The following HTT variants were observed in gnomAD, a reference collection of about 807,000 sequenced individuals.
The protein encoded by HTT is huntington disease protein.
Under a neutral mutation model 362.3 loss-of-function variants are expected in HTT, and 104 were observed. That is an observed-to-expected ratio of 0.29 (90% CI 0.24 to 0.34). The LOEUF (loss-of-function observed/expected upper bound fraction) is 0.34, where lower values mean the gene tolerates loss of function less well. HTT is among the 10% of genes least tolerant of loss of function. The pLI is 1.00. For missense variants in HTT, 3,301 were observed against 3,928.6 expected (o/e 0.84, Z 4.27); for synonymous variants, 1,577 against 1,548.7 (o/e 1.02, Z -0.43).
chr4:3,231,538 GC>G (rs766016125), intron 60 of HTT, among the ~76,000 whole-genome samples: 3 of 152,140 alleles, frequency 2.0e-5, no homozygotes, highest in Non-Finnish European at 4.4e-5. Flanking sequence ...CTCCCTCTCT[GC>G]GAGTCTTGAC....
At chr4:3,147,741 C>A (rs1169984875) in intron 25 of HTT, among the ~76,000 whole-genome samples, 3 of 152,296 alleles carry the variant, frequency 2.0e-5, no homozygotes, top group African/African-American at 4.8e-5. Context: ...GGTTCACCAA[C>A]TGAACTTCGG....
intron 28 of HTT, among the ~76,000 whole-genome samples, chr4:3,158,928 A>G (rs919507309): frequency 9.9e-5 from 15 of 152,140 alleles, no homozygotes; most frequent in African/African-American, 2.7e-4. Context: ...TCCTTCCTGA[A>G]TACCCTGAAC....
intron 1 of HTT, among the ~76,000 whole-genome samples, chr4:3,078,719 C>G (rs913353450): frequency 6.6e-6 from 1 of 151,598 alleles, no homozygotes; most frequent in Non-Finnish European, 1.5e-5. Context: ...TAGACATGCA[C>G]TGCCATGCCT....
rs185779757 is a variant in HTT at position 3,081,617 on chromosome 4, G to A, written c.264-5322G>A. ...CTTGTTGCCCAGGCTGGAGTGCAGT[G>A]GCGCGATCTCGGCTCACTGCAACCT... On this transcript the variant is annotated intron_variant, in intron 1 of 66. Transcript: ENST00000355072. Among the ~76,000 whole-genome samples the A allele has an allele frequency of 2.2e-3, 307 of 141,616 alleles. 1 individual carries two copies. Among genetic ancestry groups the A allele is most frequent in the Non-Finnish European group, 3.7e-3 (249 of 66,584 alleles). 92.9% of individuals were successfully genotyped at this position (141,616 alleles called of 152,430 possible).
At chr4:3,127,663 C>CAAATA in intron 12 of HTT, 59 bp downstream of exon 12, 5 of 1,322,412 alleles carry the variant, frequency 3.8e-6, no homozygotes, top group Non-Finnish European at 5.3e-6. Flanking sequence ...GACAGAGTCT[C>CAAATA]ACTCCATAGT....
At chr4:3,211,103 C>T (rs2110274989) in intron 47 of HTT, among the ~76,000 whole-genome samples, 1 of 151,362 alleles carries the variant, frequency 6.6e-6, no homozygotes, top group Middle Eastern at 3.4e-3. Context: ...GGGATTTCAC[C>T]ATGTTGGCCA....
intron 6 of HTT, among the ~76,000 whole-genome samples, chr4:3,113,933 C>T (rs1017950691): frequency 7.2e-5 from 11 of 151,864 alleles, no homozygotes; most frequent in Non-Finnish European, 1.3e-4. Context: ...AACCCAGCAG[C>T]GCTAGAGGAA....
At chr4:3,080,146 G>A (rs886685199) in intron 1 of HTT, among the ~76,000 whole-genome samples, 3 of 146,594 alleles carry the variant, frequency 2.0e-5, no homozygotes, top group Non-Finnish European at 3.0e-5. Context: ...CCGGGCTGGA[G>A]TGCAATGATG....
At chr4:3,078,970 C>T (rs561168958) in intron 1 of HTT, among the ~76,000 whole-genome samples, 17 of 152,130 alleles carry the variant, frequency 1.1e-4, no homozygotes, top group South Asian at 2.1e-4. Flanking sequence ...CTCCTGACCT[C>T]GTCATCCGCC....
In HTT at chr4:3,196,243, T is replaced by C. The variant is rs188836515; in HGVS notation, c.5369-3489T>C. ...GTGATGAATCCTTCTCATGAGCCTC[T>C]GTCCAGTTGTTCCTCCCTCCACCTG... On this transcript the variant is annotated intron_variant, in intron 40 of 66. Transcript: ENST00000355072. 2.1e-3 allele frequency among the ~76,000 whole-genome samples: 324 copies of C among 152,286 alleles called. 2 individuals carry two copies. Among genetic ancestry groups the C allele is most frequent in the African/African-American group, 7.2e-3 (300 of 41,554 alleles).
In HTT at chr4:3,235,792, C is replaced by T. The variant is rs377477046; in HGVS notation, c.8785+14C>T. On this transcript the variant is annotated intron_variant, in intron 63 of 66. Coordinates refer to ENST00000355072, the MANE Select transcript of HTT (RefSeq NM_001388492.1). ...GCATGTACACAGGTGAGCATGTACA[C>T]GGTGCCCATAAGGCCAGCCCAAGTC... 115 of 1,590,934 alleles carry T rather than the reference C, an allele frequency of 7.2e-5. No individual in the cohort carries two copies. The highest frequency in any genetic ancestry group is 8.5e-5 in the Non-Finnish European group (100 of 1,169,670).
chr4:3,107,454 C>G (rs757286815), intron 6 of HTT, 31 bp downstream of exon 6: 1 of 1,611,052 alleles, frequency 6.2e-7, no homozygotes. Context: ...CACAAACATG[C>G]GAGTGATGCT....
At chr4:3,116,830 G>A (rs974390637) in intron 8 of HTT, among the ~76,000 whole-genome samples, 5 of 152,180 alleles carry the variant, frequency 3.3e-5, no homozygotes, top group Admixed American at 1.3e-4. Context: ...TTTGTAGCAC[G>A]CTTACTCAGG....
intron 26 of HTT, among the ~76,000 whole-genome samples, chr4:3,151,391 A>G (rs778263071): frequency 6.6e-6 from 1 of 152,014 alleles, no homozygotes; most frequent in Non-Finnish European, 1.5e-5. Context: ...AGAAAAAGAA[A>G]GATTGAGAGG....
rs190212557 is a variant in HTT, at chr4:3,214,385, A to G, written c.6952+250A>G. On this transcript the variant is annotated intron_variant, in intron 50 of 66. Coordinates refer to ENST00000355072, the MANE Select transcript of HTT (RefSeq NM_001388492.1). ...GATTTTGAAGTTTCAGCTTTCATCA[A>G]AAATACCTCTAAACTTTATGTCTCT... is the stretch of plus-strand genomic sequence containing the variant. Among the ~76,000 whole-genome samples the G allele has an allele frequency of 4.7e-3, 716 of 152,324 alleles. 3 individuals are homozygous for G. Among genetic ancestry groups the G allele is most frequent in the Non-Finnish European group, 5.3e-3 (363 of 68,038 alleles).
Position 3,233,364 on chromosome 4 carries a change from G to C in HTT, c.8456+11G>C, listed in dbSNP as rs894074716. Reference sequence around the variant, plus strand: ...GAAAGGGATCGCCCAGTGAGTGGGAGCCTGGCTGGGGCTGGGGCGGGGGTC... The same window carrying C: ...GAAAGGGATCGCCCAGTGAGTGGGACCCTGGCTGGGGCTGGGGCGGGGGTC... On this transcript the variant is annotated intron_variant, in intron 61 of 66. Coordinates refer to ENST00000355072, the MANE Select transcript of HTT (RefSeq NM_001388492.1). 15 of 1,587,152 alleles carry C rather than the reference G, an allele frequency of 9.5e-6. No homozygotes were observed. The highest frequency in any genetic ancestry group is 1.1e-5 in the South Asian group (1 of 90,218).
intron 1 of HTT, among the ~76,000 whole-genome samples, chr4:3,080,713 C>G (rs1712849774): frequency 6.6e-6 from 1 of 152,188 alleles, no homozygotes; most frequent in Non-Finnish European, 1.5e-5. Context: ...ATGTTTTCTT[C>G]TAAGAATTTT....
intron 45 of HTT, among the ~76,000 whole-genome samples, 186 bp downstream of exon 45, chr4:3,207,543 A>C (rs1250850613): frequency 1.3e-5 from 2 of 152,242 alleles, no homozygotes; most frequent in African/African-American, 2.4e-5. Context: ...TAAAGAGTAA[A>C]GGATGACCGG....
intron 21 of HTT, among the ~76,000 whole-genome samples, chr4:3,137,611 A>G (rs1246886877): frequency 6.6e-6 from 1 of 152,208 alleles, no homozygotes; most frequent in East Asian, 1.9e-4. Flanking sequence ...AGGCAGGAGA[A>G]TCACTTGAAC....
Sources: allele counts gnomAD v4.1 joint callset (sites outside exome capture counted in the v4.1 genomes callset), GRCh38; gene constraint gnomAD v4.1.1; transcripts MANE v1.5; gene names NCBI Gene and HGNC (gene_info 2026-07-23, HGNC 2026-07-21).